Variants in ASIC2 observed in about 807,000 individuals in gnomAD.
ASIC2 encodes acid sensing ion channel subunit 2.
In ASIC2, 25 loss-of-function variants were observed where a neutral mutation model predicts 57.3. The ratio of observed to expected loss-of-function variants is 0.44; its 90% CI spans 0.32 to 0.61. The LOEUF (loss-of-function observed/expected upper bound fraction) is 0.61. Ranked by LOEUF, ASIC2 falls within the 20% of genes least tolerant of loss-of-function variation. The pLI is 0.06. For missense variants in ASIC2, 641 were observed against 738.1 expected (o/e 0.87, Z 1.52); for synonymous variants, 319 against 307.5 (o/e 1.04, Z -0.39).
chr17:33,114,568 C>T (rs2092273264), intron 1 of ASIC2, among the ~76,000 whole-genome samples: 2 of 152,182 alleles, frequency 1.3e-5, no homozygotes, highest in South Asian at 4.1e-4. Context: ...ACCTTTTAGT[C>T]CCTGAACTTC....
intron 1 of ASIC2, among the ~76,000 whole-genome samples, chr17:33,738,615 G>A (rs1192308174): frequency 2.0e-5 from 3 of 152,118 alleles, no homozygotes; most frequent in Non-Finnish European, 1.5e-5. Flanking sequence ...CCTCCTCTGT[G>A]TCAGTGCCCC....
chr17:34,121,941 C>T (rs961138539), intron 1 of ASIC2, among the ~76,000 whole-genome samples: 10 of 152,174 alleles, frequency 6.6e-5, no homozygotes, highest in African/African-American at 2.4e-4. Flanking sequence ...CCTATGATGC[C>T]CTTCTCTGCA....
chr17:34,098,475 T>C (rs1910626892), intron 1 of ASIC2, among the ~76,000 whole-genome samples: 4 of 152,122 alleles, frequency 2.6e-5, no homozygotes, highest in Admixed American at 1.3e-4. Flanking sequence ...TTTCTAAAGA[T>C]TACAGCACTT....
At chr17:33,820,793 C>G (rs1162781769) in intron 1 of ASIC2, among the ~76,000 whole-genome samples, 1 of 152,184 alleles carries the variant, frequency 6.6e-6, no homozygotes, top group Non-Finnish European at 1.5e-5. Context: ...CCTCTTACCT[C>G]AGCCTTCCAA....
At chr17:34,127,426 G>A (rs1567831535) in intron 1 of ASIC2, among the ~76,000 whole-genome samples, 1 of 152,190 alleles carries the variant, frequency 6.6e-6, no homozygotes, top group African/African-American at 2.4e-5. Flanking sequence ...TTCTGAGTCC[G>A]TAAAACACCA....
At chr17:33,508,441 A>G (rs1302308063) in intron 1 of ASIC2, among the ~76,000 whole-genome samples, 1 of 152,180 alleles carries the variant, frequency 6.6e-6, no homozygotes, top group African/African-American at 2.4e-5. Flanking sequence ...CCTGCAGGCC[A>G]TGGAAGCCCA....
At chr17:33,677,010 G>A (rs765052447) in intron 1 of ASIC2, among the ~76,000 whole-genome samples, 10 of 152,126 alleles carry the variant, frequency 6.6e-5, no homozygotes, top group African/African-American at 9.7e-5. Flanking sequence ...TGAAGTACCC[G>A]CTCCTGCTTC....
At chr17:34,016,918 A>G (rs1415197908) in intron 1 of ASIC2, among the ~76,000 whole-genome samples, 1 of 152,274 alleles carries the variant, frequency 6.6e-6, no homozygotes. Flanking sequence ...TTAGTTTATC[A>G]GAATAAAATG....
chr17:33,459,539 G>A (rs1285310891), intron 1 of ASIC2, among the ~76,000 whole-genome samples: 2 of 152,312 alleles, frequency 1.3e-5, no homozygotes, highest in African/African-American at 4.8e-5. Flanking sequence ...CTCATTGCTG[G>A]AGCAGGGCGA....
In ASIC2 at chr17:33,659,896, A is replaced by G. The variant is rs531814987; in HGVS notation, c.555+496082T>C. Among the ~76,000 whole-genome samples, 4 of 148,580 alleles carry G rather than the reference A, an allele frequency of 2.7e-5. No individual in the cohort carries two copies. The South Asian group carries it at 8.5e-4, about 31-fold the overall frequency. ...CAAATAAATAAATAAATAAATAAAT[A>G]AATAAATAAATAAATAAATAAAATA... On this transcript the variant is annotated intron_variant, in intron 1 of 9. Coordinates refer to the ASIC2 transcript ENST00000359872.
At chr17:33,021,697 C>T (rs1364029493) in intron 6 of ASIC2, among the ~76,000 whole-genome samples, 1 of 152,228 alleles carries the variant, frequency 6.6e-6, no homozygotes, top group Non-Finnish European at 1.5e-5. Flanking sequence ...TCCAGCTGAC[C>T]TCATGGGCAG....
chr17:33,913,694 C>T (rs559384913), intron 1 of ASIC2, among the ~76,000 whole-genome samples: 2 of 151,062 alleles, frequency 1.3e-5, no homozygotes, highest in African/African-American at 2.5e-5. Flanking sequence ...ATAAAGAGTA[C>T]ACTTAGTCTT....
intron 1 of ASIC2, among the ~76,000 whole-genome samples, chr17:33,914,079 G>A (rs1915530504): frequency 6.6e-6 from 1 of 152,198 alleles, no homozygotes; most frequent in African/African-American, 2.4e-5. Context: ...GTAGAGTAGA[G>A]TAGGAAGAGA....
chr17:34,088,665 C>T (rs1401899944), intron 1 of ASIC2, among the ~76,000 whole-genome samples: 2 of 152,224 alleles, frequency 1.3e-5, no homozygotes, highest in African/African-American at 4.8e-5. Flanking sequence ...GCAGGCAGGC[C>T]TCCTTGAGCT....
intron 3 of ASIC2, among the ~76,000 whole-genome samples, chr17:33,083,916 A>G (rs1484167544): frequency 6.6e-6 from 1 of 152,152 alleles, no homozygotes; most frequent in Non-Finnish European, 1.5e-5. Flanking sequence ...AGGAAGGGGT[A>G]CTACCAAGGA....
chr17:34,075,746 T>G (rs1909613238), intron 1 of ASIC2, among the ~76,000 whole-genome samples: 1 of 151,926 alleles, frequency 6.6e-6, no homozygotes, highest in Non-Finnish European at 1.5e-5. Flanking sequence ...CCTTAGAGCC[T>G]TTGCACCGGC....
chr17:33,579,871 C>T (rs1372546128), intron 1 of ASIC2, among the ~76,000 whole-genome samples: 2 of 152,296 alleles, frequency 1.3e-5, no homozygotes, highest in East Asian at 3.9e-4. Context: ...CCACCCACAT[C>T]CTGCTTATTG....
intron 1 of ASIC2, among the ~76,000 whole-genome samples, chr17:33,595,694 T>A (rs1597801600): frequency 6.6e-6 from 1 of 152,384 alleles, no homozygotes; most frequent in South Asian, 2.1e-4. Flanking sequence ...GAGCTTCTGT[T>A]TCTTCATCTG....
At chr17:33,856,006 C>A (rs1164168880) in intron 1 of ASIC2, among the ~76,000 whole-genome samples, 2 of 151,102 alleles carry the variant, frequency 1.3e-5, no homozygotes, top group African/African-American at 4.9e-5. Flanking sequence ...AGAAAAGGAG[C>A]AAGGAAGAAG....
Sources: allele counts gnomAD v4.1 joint callset (sites outside exome capture counted in the v4.1 genomes callset), GRCh38; gene constraint gnomAD v4.1.1; transcripts MANE v1.5; gene names NCBI Gene and HGNC (gene_info 2026-07-23, HGNC 2026-07-21).